Variants in CLDN20 observed in about 807,000 individuals in gnomAD.
CLDN20 encodes the protein claudin-20.
For missense variants in CLDN20, 258 were observed against 267.9 expected (o/e 0.96, Z 0.26); for synonymous variants, 104 against 103.6 (o/e 1.00, Z -0.03).
chr6:155,270,038 G>T (rs1784850856), intron 1 of CLDN20, among the ~76,000 whole-genome samples: 1 of 152,250 alleles, frequency 6.6e-6, no homozygotes. Flanking sequence ...GAGCTCAGAG[G>T]TGGAAGGTTC....
chr6:155,274,822 C>T (rs760389111), intron 1 of CLDN20, among the ~76,000 whole-genome samples: 1 of 152,182 alleles, frequency 6.6e-6, no homozygotes, highest in East Asian at 1.9e-4. Flanking sequence ...TTTATGAAAG[C>T]CACTTCCTAA....
rs142924023 is a variant in CLDN20 at position 155,275,989 on chromosome 6, G to C, written c.270G>C (p.Leu90=). 1 of 1,614,178 alleles carries C rather than the reference G, an allele frequency of 6.2e-7. No homozygotes were observed. Among genetic ancestry groups the C allele is most frequent in the Non-Finnish European group, 8.5e-7 (1 of 1,180,036 alleles). The change falls in exon 2 of 2, where the codon CTG becomes CTC. Residue 90 remains leucine (L), a synonymous_variant. Coordinates refer to ENST00000367165, the MANE Select transcript of CLDN20 (RefSeq NM_001001346.3). ...ARATMVLACV[L]SALGICTSTV... ...CCACCATGGTCCTGGCGTGTGTTCT[G>C]TCTGCTTTGGGGATCTGCACTTCCA...
At chr6:155,269,617 C>T (rs184676334) in intron 1 of CLDN20, among the ~76,000 whole-genome samples, 39 of 152,116 alleles carry the variant, frequency 2.6e-4, no homozygotes, top group South Asian at 4.1e-4. Flanking sequence ...CCACCACGCC[C>T]GGCCAGTTTT....
At chr6:155,265,514 C>T (rs1784589035) in intron 1 of CLDN20, among the ~76,000 whole-genome samples, 1 of 148,116 alleles carries the variant, frequency 6.8e-6, no homozygotes, top group South Asian at 2.2e-4. Flanking sequence ...AGAAGAAGAA[C>T]ATTATTTTAG....
chr6:155,272,518 C>T (rs1027662666), intron 1 of CLDN20, among the ~76,000 whole-genome samples: 5 of 151,904 alleles, frequency 3.3e-5, no homozygotes, highest in Admixed American at 2.0e-4. Context: ...CAGTATTTCT[C>T]TACCACCACC....
At chr6:155,268,164 C>T (rs1252464045) in intron 1 of CLDN20, among the ~76,000 whole-genome samples, 4 of 152,094 alleles carry the variant, frequency 2.6e-5, no homozygotes, top group African/African-American at 4.8e-5. Context: ...TCCATTTAAT[C>T]GCTCCCATTA....
At chr6:155,264,788 G>A (rs1187961533) in intron 1 of CLDN20, among the ~76,000 whole-genome samples, 1 of 152,134 alleles carries the variant, frequency 6.6e-6, no homozygotes, top group Non-Finnish European at 1.5e-5. Context: ...AATGTGGTGA[G>A]GGGGATGAAG....
chr6:155,276,430 T>G lies in CLDN20; in HGVS notation c.*51T>G. 1 of 1,491,560 alleles carries G rather than the reference T, an allele frequency of 6.7e-7. No homozygotes were observed. The highest frequency in any genetic ancestry group is 9.1e-7 in the Non-Finnish European group (1 of 1,102,272). 92.4% of individuals were successfully genotyped at this position (1,491,560 alleles called of 1,614,324 possible). ...GAACTTTTGGGTGCCAAATGGGACT[T>G]TTAGATTAAAAAAAAATCAGAATTA... On this transcript the variant is annotated 3_prime_UTR_variant, in exon 2 of 2. Transcript: ENST00000367165.
chr6:155,271,545 G>GA (rs1206378027), intron 1 of CLDN20, among the ~76,000 whole-genome samples: 1 of 151,404 alleles, frequency 6.6e-6, no homozygotes, highest in Non-Finnish European at 1.5e-5. Flanking sequence ...TTCTTTTATT[G>GA]AAAAAAATAC....
At chr6:155,269,875 T>C (rs894747213) in intron 1 of CLDN20, among the ~76,000 whole-genome samples, 2 of 152,240 alleles carry the variant, frequency 1.3e-5, no homozygotes, top group African/African-American at 2.4e-5. Context: ...TCTGAATTCA[T>C]TCATTGGGCA....
intron 1 of CLDN20, among the ~76,000 whole-genome samples, chr6:155,266,157 A>G (rs1273938957): frequency 6.6e-6 from 1 of 152,106 alleles, no homozygotes; most frequent in Non-Finnish European, 1.5e-5. Flanking sequence ...CTTCAATCCA[A>G]TCAAGTTGAC....
chr6:155,266,966 C>T (rs1203428553), intron 1 of CLDN20, among the ~76,000 whole-genome samples: 1 of 137,782 alleles, frequency 7.3e-6, no homozygotes, highest in Non-Finnish European at 1.5e-5. Context: ...GAATACTTTG[C>T]TGCCTTTTTT....
intron 1 of CLDN20, among the ~76,000 whole-genome samples, chr6:155,272,094 A>C (rs1023502146): frequency 4.6e-5 from 7 of 152,196 alleles, no homozygotes; most frequent in African/African-American, 1.7e-4. Context: ...AGAATTTCTG[A>C]AATAAGCCTC....
In CLDN20 at chr6:155,276,141, A is replaced by G. The variant is rs1345455798; in HGVS notation, c.422A>G (p.Lys141Arg). The stretch of plus-strand genomic sequence containing the variant: ...TTAATCTCGACAGTGTGGTACACAA[A>G]GGAGATCATAGCAAACTTTCTGGAT... Reference protein sequence around the residue: ...SSLISTVWYTKEIIANFLDLT... With the variant: ...SSLISTVWYTREIIANFLDLT... Residue 141 changes from lysine to arginine, a missense_variant, in exon 2 of 2, where the codon AAG becomes AGG. Physicochemically the swap from Lys to Arg is conservative, Grantham distance 26 (BLOSUM62 2). Coordinates refer to ENST00000367165, the MANE Select transcript of CLDN20 (RefSeq NM_001001346.3). The G allele has an allele frequency of 1.2e-6, 2 of 1,614,216 alleles. No individual in the cohort carries two copies. Among genetic ancestry groups the G allele is most frequent in the Admixed American group, 3.3e-5 (2 of 60,032 alleles).
At chr6:155,268,064 T>C (rs1784744422) in intron 1 of CLDN20, among the ~76,000 whole-genome samples, 1 of 152,192 alleles carries the variant, frequency 6.6e-6, no homozygotes, top group Non-Finnish European at 1.5e-5. Flanking sequence ...CTTGACTACA[T>C]TATATATATT....
chr6:155,268,760 T>G (rs974939437), intron 1 of CLDN20, among the ~76,000 whole-genome samples: 1 of 150,554 alleles, frequency 6.6e-6, no homozygotes, highest in African/African-American at 2.5e-5. Flanking sequence ...GCATGCTTGC[T>G]AAGAGTCATC....
intron 1 of CLDN20, among the ~76,000 whole-genome samples, chr6:155,268,380 T>C (rs1465728327): frequency 1.3e-5 from 2 of 152,216 alleles, no homozygotes; most frequent in Non-Finnish European, 2.9e-5. Context: ...CCAGGCTTCT[T>C]TGATTAGGGT....
chr6:155,272,510 G>A (rs1784972899), intron 1 of CLDN20, among the ~76,000 whole-genome samples: 1 of 151,634 alleles, frequency 6.6e-6, no homozygotes, highest in African/African-American at 2.4e-5. Context: ...TGCCTTCACA[G>A]TATTTCTCTA....
At chr6:155,264,792 G>A (rs1784545133) in intron 1 of CLDN20, among the ~76,000 whole-genome samples, 1 of 152,160 alleles carries the variant, frequency 6.6e-6, no homozygotes, top group Non-Finnish European at 1.5e-5. Context: ...TGGTGAGGGG[G>A]ATGAAGAGTT....
Sources: allele counts gnomAD v4.1 joint callset (sites outside exome capture counted in the v4.1 genomes callset), GRCh38; gene constraint gnomAD v4.1.1; transcripts MANE v1.5; gene names NCBI Gene and HGNC (gene_info 2026-07-23, HGNC 2026-07-21).